Variants in NAV3 observed in about 807,000 individuals in gnomAD.
NAV3 encodes the protein neuron navigator 3.
In NAV3, 87 loss-of-function variants were observed where a neutral mutation model predicts 244.7. The observed-to-expected ratio is 0.36, with a 90% CI of 0.30 to 0.42. The LOEUF (loss-of-function observed/expected upper bound fraction) is 0.42. Among genes scored for constraint, NAV3 ranks in the 20% least tolerant of loss-of-function variants. The pLI, the probability that NAV3 is intolerant of heterozygous loss-of-function variation, is 1.00. For synonymous variants in NAV3, 1,126 were observed against 1,042.2 expected (o/e 1.08, Z -1.55); for missense variants, 2,663 against 2,893.3 (o/e 0.92, Z 1.83).
chr12:78,093,683 GA>G (rs1264005810), intron 12 of NAV3, among the ~76,000 whole-genome samples: 7 of 151,656 alleles, frequency 4.6e-5, no homozygotes, highest in South Asian at 4.2e-4. Context: ...CTAACTATTA[GA>G]AAAAAATAAA....
intron 16 of NAV3, among the ~76,000 whole-genome samples, chr12:78,126,040 T>G (rs1955891260): frequency 6.6e-6 from 1 of 152,200 alleles, no homozygotes; most frequent in South Asian, 2.1e-4. Context: ...TATAATTTAT[T>G]TTGTTTGTTT....
intron 39 of NAV3, among the ~76,000 whole-genome samples, chr12:78,206,854 C>CTTTTTTTTTTTTTTTTTTTT (rs10594185): frequency 8.7e-6 from 1 of 114,840 alleles, no homozygotes; most frequent in Non-Finnish European, 1.8e-5. Flanking sequence ...TTCTTTCTTA[C>CTTTTTTTTTTTTTTTTTTTT]TTTTTTTTTT....
intron 34 of NAV3, 122 bp downstream of exon 34, chr12:78,190,341 A>G (rs1324372869): frequency 1.3e-6 from 1 of 756,782 alleles, no homozygotes; most frequent in African/African-American, 1.8e-5. Flanking sequence ...TCTTTTTTTT[A>G]CTAGAATTGT....
intron 9 of NAV3, among the ~76,000 whole-genome samples, chr12:78,030,545 A>T (rs1376609342): frequency 6.6e-6 from 1 of 152,216 alleles, no homozygotes; most frequent in Non-Finnish European, 1.5e-5. Flanking sequence ...TGTGGTGAAT[A>T]TGATGATACT....
rs1021414124 is a variant in NAV3 at position 78,177,659 on chromosome 12, C to T, written c.5337C>T (p.Gly1779=). 4 of 1,597,158 alleles carry T rather than the reference C, an allele frequency of 2.5e-6. No individual in the cohort carries two copies. Among genetic ancestry groups the T allele is most frequent in the African/African-American group, 1.3e-5 (1 of 74,816 alleles). The change falls in exon 28 of 40, where the codon GGC becomes GGT. Residue 1779 remains glycine, a synonymous_variant. Coordinates refer to ENST00000397909, the MANE Select transcript of NAV3 (RefSeq NM_001024383.2). ...GGCCACCAAAGAAACGACAAAATGG[C>T]CCTGTGATCTACAAGCATAGATCTC... The part of the protein sequence containing the change: ...LVWPPKKRQN[G]PVIYKHRSRI...
chr12:78,095,179 T>C (rs1214963359), intron 12 of NAV3, among the ~76,000 whole-genome samples: 1 of 151,910 alleles, frequency 6.6e-6, no homozygotes, highest in Non-Finnish European at 1.5e-5. Flanking sequence ...ATGTTTCATG[T>C]AATGCATTTA....
intron 1 of NAV3, among the ~76,000 whole-genome samples, chr12:77,929,522 T>C (rs1888565230): frequency 6.6e-6 from 1 of 152,206 alleles, no homozygotes; most frequent in Non-Finnish European, 1.5e-5. Flanking sequence ...CAAGTCTTGC[T>C]GATTCTACTC....
chr12:78,198,505 G>A (rs1352963131), intron 35 of NAV3, 100 bp from the exon 36 acceptor site: 3 of 638,702 alleles, frequency 4.7e-6, no homozygotes, highest in African/African-American at 3.9e-5. Flanking sequence ...TATTGAAATG[G>A]AATAATCCAT....
chr12:77,965,115 C>T (rs986717154), intron 3 of NAV3, among the ~76,000 whole-genome samples: 1 of 152,124 alleles, frequency 6.6e-6, no homozygotes, highest in Non-Finnish European at 1.5e-5. Flanking sequence ...TTTTAAATCT[C>T]TTCTTTATTG....
chr12:78,069,762 T>C (rs915522205), intron 12 of NAV3, among the ~76,000 whole-genome samples: 38 of 152,128 alleles, frequency 2.5e-4, no homozygotes, highest in African/African-American at 8.9e-4. Flanking sequence ...AATTTTGAAC[T>C]TACTAGGAGA....
rs2138597810 is a variant in NAV3, at chr12:78,119,236, G to A, written c.3041-1G>A. The stretch of plus-strand genomic sequence containing the variant: ...ATATTTGTGTATTTCTCCTTAATTA[G>A]GGAAAACCGATGATGCCAAAGCTTC... On this transcript the variant is annotated splice_acceptor_variant, in intron 14 of 39. Coordinates refer to ENST00000397909, the MANE Select transcript of NAV3 (RefSeq NM_001024383.2). LOFTEE classifies it high-confidence loss of function. 1 of 1,607,350 alleles carries A rather than the reference G, an allele frequency of 6.2e-7. No homozygotes were observed. Among genetic ancestry groups the A allele is most frequent in the Non-Finnish European group, 8.5e-7 (1 of 1,177,608 alleles).
At chr12:78,087,161 C>T (rs1267170053) in intron 12 of NAV3, among the ~76,000 whole-genome samples, 4 of 151,974 alleles carry the variant, frequency 2.6e-5, no homozygotes, top group Non-Finnish European at 4.4e-5. Flanking sequence ...AGAAAATTAG[C>T]TTCAGGTCTG....
At chr12:77,898,219 A>G (rs1047209345) in intron 1 of NAV3, among the ~76,000 whole-genome samples, 2 of 152,212 alleles carry the variant, frequency 1.3e-5, no homozygotes, top group Non-Finnish European at 2.9e-5. Context: ...GAAAGCCTCT[A>G]ATAATACATT....
intron 2 of NAV3, among the ~76,000 whole-genome samples, chr12:77,809,013 A>T (rs1872144915): frequency 6.6e-6 from 1 of 151,998 alleles, no homozygotes; most frequent in Non-Finnish European, 1.5e-5. Context: ...GTAATGGCAG[A>T]CCTCCCTTCC....
At chr12:77,983,338 T>C (rs1869899620) in intron 5 of NAV3, among the ~76,000 whole-genome samples, 1 of 152,112 alleles carries the variant, frequency 6.6e-6, no homozygotes. Context: ...GAACAATGAA[T>C]TTGGTGACTG....
rs79461790 is a variant in NAV3 at position 77,775,190 on chromosome 12, G to A, written c.73-165129G>A. Among the ~76,000 whole-genome samples the A allele has an allele frequency of 8.3e-3, 1,257 of 151,960 alleles. 21 individuals are homozygous for A. The highest frequency in any genetic ancestry group is 0.027 in the African/African-American group (1,134 of 41,446). On this transcript the variant is annotated intron_variant, in intron 2 of 8. Transcript: ENST00000550042. The stretch of plus-strand genomic sequence containing the variant: ...GCAGATCACCTGAGTTTGGGAGTTC[G>A]AGACCAGCCTGACTAACACGGAGAA...
chr12:78,055,676 A>G (rs1883391231), intron 11 of NAV3, among the ~76,000 whole-genome samples: 1 of 152,208 alleles, frequency 6.6e-6, no homozygotes, highest in Non-Finnish European at 1.5e-5. Flanking sequence ...GCAAATGGCA[A>G]AAGAGGGGAA....
chr12:77,697,248 A>G (rs1875347296), intron 2 of NAV3, among the ~76,000 whole-genome samples: 1 of 152,112 alleles, frequency 6.6e-6, no homozygotes, highest in Non-Finnish European at 1.5e-5. Context: ...ATCACCATGT[A>G]GTCATCCACC....
intron 1 of NAV3, among the ~76,000 whole-genome samples, chr12:77,860,927 T>G (rs1456715335): frequency 6.6e-6 from 1 of 151,926 alleles, no homozygotes; most frequent in Admixed American, 6.6e-5. Context: ...TTGGCCTGAA[T>G]TACTTGGCTG....
Sources: allele counts gnomAD v4.1 joint callset (sites outside exome capture counted in the v4.1 genomes callset), GRCh38; gene constraint gnomAD v4.1.1; transcripts MANE v1.5; gene names NCBI Gene and HGNC (gene_info 2026-07-23, HGNC 2026-07-21).